Variants in POLR3B observed in about 807,000 individuals in gnomAD.
The protein encoded by POLR3B is RNA polymerase III subunit B, also known as DNA-directed RNA polymerase III subunit RPC2.
POLR3B carries 96 observed loss-of-function variants against 147.4 expected under a neutral mutation model. The observed-to-expected ratio is 0.65, with a 90% CI of 0.55 to 0.77. The LOEUF is 0.77. POLR3B is among the 30% of genes least tolerant of loss of function. POLR3B has a pLI of 0.00. For synonymous variants in POLR3B, 461 were observed against 485.9 expected (o/e 0.95, Z 0.67); for missense variants, 1,036 against 1,413.5 (o/e 0.73, Z 4.28).
At chr12:106,364,648 C>A (rs1184039688) in intron 2 of POLR3B, among the ~76,000 whole-genome samples, 1 of 152,184 alleles carries the variant, frequency 6.6e-6, no homozygotes, top group African/African-American at 2.4e-5. Flanking sequence ...GAAACCTGTA[C>A]ACAAATGCTC....
intron 10 of POLR3B, among the ~76,000 whole-genome samples, chr12:106,399,403 G>T (rs2037029241): frequency 6.6e-6 from 1 of 152,118 alleles, no homozygotes; most frequent in Non-Finnish European, 1.5e-5. Context: ...AAAACACTCT[G>T]CAGGATATTA....
rs550572746 is a variant in POLR3B at position 106,479,593 on chromosome 12, C to T, written c.2713+15973C>T. 1.1e-4 allele frequency among the ~76,000 whole-genome samples: 17 copies of T among 151,996 alleles called. No individual in the cohort carries two copies. In the East Asian group the frequency reaches 2.9e-3, roughly 26 times the overall value. On this transcript the variant is annotated intron_variant, in intron 23 of 27. Coordinates refer to ENST00000228347, the MANE Select transcript of POLR3B (RefSeq NM_018082.6). ...AGAGATGGGGTTTCACTGTGTTAGCCAGGATGGTCTCGATCTCCTGACCTC... is the reference window on the plus strand; with the variant it reads ...AGAGATGGGGTTTCACTGTGTTAGCTAGGATGGTCTCGATCTCCTGACCTC...
intron 10 of POLR3B, among the ~76,000 whole-genome samples, chr12:106,394,592 A>G (rs910896614): frequency 1.3e-5 from 2 of 152,228 alleles, no homozygotes; most frequent in African/African-American, 4.8e-5. Context: ...GTTTATTTCA[A>G]ACATCATCAT....
chr12:106,405,974 C>T lies in POLR3B; in HGVS notation c.964C>T (p.Pro322Ser). 6.2e-7 allele frequency: 1 copy of T among 1,613,666 alleles called. No individual in the cohort carries two copies. Among genetic ancestry groups the T allele is most frequent in the Non-Finnish European group, 8.5e-7 (1 of 1,179,728 alleles). ...LLASTILTHV[P>S]VKEFNFRAKC... is the part of the protein sequence containing the mutation. Reference sequence around the variant, plus strand: ...GGCTTCCACCATTCTGACCCATGTCCCAGTGAGTAACACTTCGTTATTGTG... The same window carrying T: ...GGCTTCCACCATTCTGACCCATGTCTCAGTGAGTAACACTTCGTTATTGTG... The change falls in exon 11 of 28, where the codon CCA (proline) becomes TCA (serine). Residue 322 changes from proline (P) to serine (S), a missense_variant and splice_region_variant. Transcript: ENST00000228347.
intron 14 of POLR3B, 96 bp from the exon 15 acceptor site, chr12:106,432,222 A>G (rs1199263794): frequency 1.8e-6 from 2 of 1,142,180 alleles, no homozygotes; most frequent in Non-Finnish European, 2.7e-6. Context: ...ACTGCTTTGC[A>G]TTGCTGCCAG....
intron 23 of POLR3B, among the ~76,000 whole-genome samples, chr12:106,478,630 GCAAA>G (rs888066217): frequency 2.6e-5 from 4 of 151,996 alleles, no homozygotes; most frequent in African/African-American, 9.7e-5. Flanking sequence ...GAAAAAACAA[GCAAA>G]CAAACAAAAA....
intron 11 of POLR3B, 38 bp downstream of exon 11, chr12:106,406,014 G>T (rs2037146612): frequency 5.0e-6 from 8 of 1,608,894 alleles, no homozygotes; most frequent in African/African-American, 1.3e-5. Context: ...AGGACTGTGG[G>T]GTCTGTGAAT....
At position 106,430,434 on chromosome 12, in the gene POLR3B, G is replaced by C. The variant is rs2037492947; in HGVS notation, c.1425G>C (p.Gln475His). 2 of 1,613,366 alleles carry C rather than the reference G, an allele frequency of 1.2e-6. No homozygotes were observed. The highest frequency in any genetic ancestry group is 2.2e-5 in the South Asian group (2 of 91,052). Reference sequence around the variant, plus strand: ...GTCCTCGCTCCCTCCAGCCATCTCAGTGGGGAATGCTGTGTCCTTCGGACA... The same window carrying C: ...GTCCTCGCTCCCTCCAGCCATCTCACTGGGGAATGCTGTGTCCTTCGGACA... ...VSGPRSLQPS[Q>H]WGMLCPSDTP... Residue 475 changes from glutamine to histidine, a missense_variant, in exon 14 of 28, where the codon CAG becomes CAC. By Grantham distance (24) the Gln-to-His change is conservative (BLOSUM62 0). Around this residue, in one of 12 missense-constraint regions of POLR3B, gnomAD observed 177 missense variants for 232.7 expected, o/e 0.76. Coordinates refer to ENST00000228347, the MANE Select transcript of POLR3B (RefSeq NM_018082.6).
chr12:106,446,714 A>G (rs1410513982), intron 19 of POLR3B, among the ~76,000 whole-genome samples: 3 of 152,210 alleles, frequency 2.0e-5, no homozygotes, highest in Non-Finnish European at 4.4e-5. Context: ...TGCTGACGCT[A>G]GGAAGACAAA....
intron 19 of POLR3B, among the ~76,000 whole-genome samples, chr12:106,447,627 C>T (rs917143459): frequency 6.6e-6 from 1 of 152,204 alleles, no homozygotes; most frequent in Non-Finnish European, 1.5e-5. Context: ...CTCTCATCGG[C>T]ACCCGATGCC....
At chr12:106,509,104 T>G (rs1264119024) in intron 27 of POLR3B, among the ~76,000 whole-genome samples, 1 of 152,232 alleles carries the variant, frequency 6.6e-6, no homozygotes, top group East Asian at 1.9e-4. Flanking sequence ...TCTGGAGCTC[T>G]TTCAAAACAG....
rs1451560730 is a variant in POLR3B, at chr12:106,402,280, A to G, written c.847-3577A>G. On this transcript the variant is annotated intron_variant, in intron 10 of 27. Coordinates refer to ENST00000228347, the MANE Select transcript of POLR3B (RefSeq NM_018082.6). ...GATGTGAAGGACCTCTTCAAGGAGAACTACAAACCACTGCTCAATGAAATA... is the reference window on the plus strand; with the variant it reads ...GATGTGAAGGACCTCTTCAAGGAGAGCTACAAACCACTGCTCAATGAAATA... Among the ~76,000 whole-genome samples, 3 of 152,278 alleles carry G rather than the reference A, an allele frequency of 2.0e-5. No individual in the cohort carries two copies. In the East Asian group the frequency reaches 5.8e-4, roughly 29 times the overall value.
intron 8 of POLR3B, among the ~76,000 whole-genome samples, chr12:106,379,016 T>A (rs1239430259): frequency 6.6e-6 from 1 of 152,238 alleles, no homozygotes; most frequent in Non-Finnish European, 1.5e-5. Context: ...TACAACGAAC[T>A]GATTAACTCA....
At chr12:106,363,928 T>C (rs1168957634) in intron 2 of POLR3B, 26 bp downstream of exon 2, 6 of 1,536,408 alleles carry the variant, frequency 3.9e-6, no homozygotes, top group African/African-American at 1.4e-5. Flanking sequence ...TTAATAATAA[T>C]TGGTTATTTT....
chr12:106,474,627 T>A (rs2038138757), intron 23 of POLR3B, among the ~76,000 whole-genome samples: 2 of 148,132 alleles, frequency 1.4e-5, no homozygotes, highest in Admixed American at 1.4e-4. Flanking sequence ...TATCCATTTC[T>A]TCTAGATTTT....
intron 23 of POLR3B, among the ~76,000 whole-genome samples, chr12:106,486,414 A>T (rs1183980159): frequency 1.3e-5 from 2 of 152,018 alleles, no homozygotes; most frequent in African/African-American, 2.4e-5. Flanking sequence ...GATTCCAAGC[A>T]TATGGCTCAT....
At chr12:106,483,122 T>A (rs968879785) in intron 23 of POLR3B, among the ~76,000 whole-genome samples, 1 of 152,170 alleles carries the variant, frequency 6.6e-6, no homozygotes, top group South Asian at 2.1e-4. Context: ...AGTCCCACAG[T>A]TGGGCCTGTA....
chr12:106,448,427 C>CTTTTTTTTTTTTTTT (rs869133588), intron 19 of POLR3B, among the ~76,000 whole-genome samples: 7 of 50,614 alleles, frequency 1.4e-4, no homozygotes, highest in Admixed American at 2.2e-4. Flanking sequence ...TACGTTATTT[C>CTTTTTTTTTTTTTTT]TTTTTTTTTT....
chr12:106,430,661 C>G (rs183580185), intron 14 of POLR3B, among the ~76,000 whole-genome samples, 188 bp downstream of exon 14: 7 of 152,322 alleles, frequency 4.6e-5, no homozygotes, highest in African/African-American at 1.7e-4. Context: ...AAACTAGGAC[C>G]TGCAGAAGCA....
Sources: allele counts gnomAD v4.1 joint callset (sites outside exome capture counted in the v4.1 genomes callset), GRCh38; gene constraint gnomAD v4.1.1; regional missense constraint gnomAD v4.1.1; transcripts MANE v1.5; gene names NCBI Gene and HGNC (gene_info 2026-07-23, HGNC 2026-07-21).